S100Z: variants seen among roughly 807,000 people sequenced by gnomAD.
S100Z encodes S100 calcium binding protein Z.
Under a neutral mutation model 8.5 loss-of-function variants are expected in S100Z, and 11 were observed. The observed-to-expected ratio is 1.30, with a 90% CI of 0.82 to 2.15. The LOEUF (loss-of-function observed/expected upper bound fraction) is 2.15. Among genes scored for constraint, S100Z ranks in the 30% most tolerant of loss-of-function variants. The pLI is 0.00. For synonymous variants in S100Z, 34 were observed against 43.8 expected, an observed-to-expected ratio of 0.78 and a Z score of 0.89; for missense variants, 126 against 117.9, an observed-to-expected ratio of 1.07 and a Z score of -0.32.
downstream of S100Z, among the ~76,000 whole-genome samples, chr5:76,924,464 T>C (rs1485786267): frequency 6.6e-5 from 10 of 152,148 alleles, 1 homozygote; most frequent in Admixed American, 5.9e-4. Flanking sequence ...CTAACAAGAT[T>C]CTCCCTGTGA....
chr5:76,864,481 AACCTCT>A lies in S100Z; in HGVS notation c.-175-5684_-175-5679del, dbSNP rs558538169. Among the ~76,000 whole-genome samples, 993 of 130,446 alleles carry A rather than the reference AACCTCT, an allele frequency of 7.6e-3. 5 individuals are homozygous for A. Among genetic ancestry groups the A allele is most frequent in the Admixed American group, 0.015 (143 of 9,840 alleles). The allele number at this position is 130,446 out of a possible 152,430, so 85.6% of individuals were successfully genotyped here. On this transcript the variant is annotated intron_variant, in intron 1 of 4. Coordinates refer to ENST00000317593, the MANE Select transcript of S100Z (RefSeq NM_130772.4). Reference sequence around the variant, plus strand: ...CAGTGGCACAATCTCGGCTAACTGTAACCTCTGCCTCCTGGGCTCAAGCAATCCTAA... The same window carrying A: ...CAGTGGCACAATCTCGGCTAACTGTAGCCTCCTGGGCTCAAGCAATCCTAA...
intron 4 of S100Z, among the ~76,000 whole-genome samples, chr5:76,887,090 C>G (rs1743671759): frequency 6.7e-6 from 1 of 150,232 alleles, no homozygotes; most frequent in Non-Finnish European, 1.5e-5. Flanking sequence ...ATCTTTCTTT[C>G]TTTTCTTTTC....
At chr5:76,878,182 A>G (rs1420140075) in intron 4 of S100Z, 1 of 159,154 alleles carries the variant, frequency 6.3e-6, no homozygotes, top group Non-Finnish European at 1.4e-5. Context: ...CTTAAATTGT[A>G]TTTTGAACTT....
intron 1 of S100Z, among the ~76,000 whole-genome samples, chr5:76,855,045 C>A (rs1465015751): frequency 1.3e-5 from 2 of 152,246 alleles, no homozygotes; most frequent in African/African-American, 4.8e-5. Context: ...GGTGTTAAGC[C>A]TGTGAGTGCA....
At chr5:76,933,124 A>T in the S100Z span, among the ~76,000 whole-genome samples, 1 of 152,216 alleles carries the variant, frequency 6.6e-6, no homozygotes, top group Non-Finnish European at 1.5e-5. Flanking sequence ...TTTGGGATAA[A>T]ATTGAGATGA....
At chr5:76,876,978 G>A (rs771573127) in intron 3 of S100Z, among the ~76,000 whole-genome samples, 1 of 152,094 alleles carries the variant, frequency 6.6e-6, no homozygotes, top group Non-Finnish European at 1.5e-5. Context: ...TAAAATGCAG[G>A]CATCTTTATA....
chr5:76,939,703 A>T, the S100Z span, among the ~76,000 whole-genome samples: 2 of 149,448 alleles, frequency 1.3e-5, no homozygotes, highest in African/African-American at 4.9e-5. Flanking sequence ...AGTAGAGACC[A>T]GGTTACACAA....
intron 4 of S100Z, among the ~76,000 whole-genome samples, chr5:76,889,675 A>C (rs1207926336): frequency 2.0e-5 from 3 of 152,280 alleles, no homozygotes; most frequent in Non-Finnish European, 4.4e-5. Context: ...TTAGATTTCA[A>C]ATAAGTAAGA....
chr5:76,881,370 C>A (rs932425975), intron 4 of S100Z, among the ~76,000 whole-genome samples: 1 of 152,188 alleles, frequency 6.6e-6, no homozygotes, highest in South Asian at 2.1e-4. Context: ...AGTGTCTACC[C>A]AGACCAAGAG....
At chr5:76,861,558 C>T (rs938368647) in intron 1 of S100Z, among the ~76,000 whole-genome samples, 3 of 152,066 alleles carry the variant, frequency 2.0e-5, no homozygotes, top group Admixed American at 6.6e-5. Flanking sequence ...AGGCTGGTCT[C>T]GAACTCCTGA....
intron 1 of S100Z, among the ~76,000 whole-genome samples, chr5:76,857,421 A>C (rs1307228939): frequency 2.0e-5 from 3 of 152,092 alleles, no homozygotes; most frequent in African/African-American, 7.2e-5. Flanking sequence ...CCGTGCTTCC[A>C]TATATATACT....
the S100Z span, among the ~76,000 whole-genome samples, chr5:76,950,194 G>A: frequency 6.6e-6 from 1 of 152,160 alleles, no homozygotes; most frequent in African/African-American, 2.4e-5. Context: ...GATTAGTGAT[G>A]TTCTAAGTTG....
At chr5:76,860,461 T>C (rs1399758060) in intron 1 of S100Z, among the ~76,000 whole-genome samples, 1 of 152,182 alleles carries the variant, frequency 6.6e-6, no homozygotes, top group Non-Finnish European at 1.5e-5. Flanking sequence ...GGCCCGACCC[T>C]CTCAGCTGCT....
At chr5:76,934,346 C>T in the S100Z span, among the ~76,000 whole-genome samples, 1 of 152,220 alleles carries the variant, frequency 6.6e-6, no homozygotes. Flanking sequence ...TTGTGAATTA[C>T]TTCATTCTTC....
At position 76,921,226 on chromosome 5, in the gene S100Z, T is replaced by C. The variant is rs546751516; in HGVS notation, c.*512T>C. On this transcript the variant is annotated 3_prime_UTR_variant, in exon 5 of 5. Transcript: ENST00000317593. ...CCAGCTTAATAAATATACAACTGTATTATTATTTTTGTCTGAATAGTATTT... is the reference window on the plus strand; with the variant it reads ...CCAGCTTAATAAATATACAACTGTACTATTATTTTTGTCTGAATAGTATTT... 8 of 152,336 alleles carry C rather than the reference T, an allele frequency of 5.3e-5. No homozygotes were observed. The highest frequency in any genetic ancestry group is 7.3e-5 in the Non-Finnish European group (5 of 68,030). The allele number at this position is 152,336 out of a possible 1,614,324, so 9.4% of individuals were successfully genotyped here. A position where few individuals can be genotyped will look rare whatever the true frequency, so the allele number is the denominator to read the frequency against.
At chr5:76,939,152 T>A in the S100Z span, among the ~76,000 whole-genome samples, 2 of 11,248 alleles carry the variant, frequency 1.8e-4, no homozygotes, top group East Asian at 0.042. Flanking sequence ...GGCTGCAAAT[T>A]TTTTTTTTTT....
chr5:76,878,952 T>C (rs1308814463), intron 4 of S100Z, among the ~76,000 whole-genome samples: 1 of 152,182 alleles, frequency 6.6e-6, no homozygotes, highest in Non-Finnish European at 1.5e-5. Context: ...CCATCTGATA[T>C]CTGTTCTTCC....
At chr5:76,922,269 AG>A (rs1745061620), downstream of S100Z, among the ~76,000 whole-genome samples, 1 of 152,146 alleles carries the variant, frequency 6.6e-6, no homozygotes, top group South Asian at 2.1e-4. Flanking sequence ...TCCCCTCCCT[AG>A]GGGGTCTCAG....
intron 4 of S100Z, among the ~76,000 whole-genome samples, chr5:76,889,384 G>A (rs1180094979): frequency 6.6e-6 from 1 of 152,194 alleles, no homozygotes. Context: ...CACATATGTT[G>A]GATGTGTTTA....
Sources: allele counts gnomAD v4.1 joint callset (sites outside exome capture counted in the v4.1 genomes callset), GRCh38; gene constraint gnomAD v4.1.1; transcripts MANE v1.5; gene names NCBI Gene and HGNC (gene_info 2026-07-23, HGNC 2026-07-21).